Variants in CABYR observed in about 807,000 individuals in gnomAD.
The protein encoded by CABYR is calcium-binding tyrosine phosphorylation-regulated protein.
CABYR carries 31 observed loss-of-function variants against 36.1 expected under a neutral mutation model. The observed-to-expected ratio is 0.86, with a 90% CI of 0.64 to 1.16. The LOEUF (loss-of-function observed/expected upper bound fraction) is 1.16. Ranked by LOEUF, CABYR falls within the 50% of genes most tolerant of loss-of-function variation. The pLI, the probability that CABYR is intolerant of heterozygous loss-of-function variation, is 0.00. For synonymous variants in CABYR, 146 were observed against 160.7 expected, an observed-to-expected ratio of 0.91 and a Z score of 0.69; for missense variants, 429 against 455.8, an observed-to-expected ratio of 0.94 and a Z score of 0.53.
At chr18:24,157,675 T>G (rs2085827703) in intron 4 of CABYR, among the ~76,000 whole-genome samples, 1 of 152,234 alleles carries the variant, frequency 6.6e-6, no homozygotes, top group Admixed American at 6.5e-5. Flanking sequence ...TGGCTTCCTT[T>G]GATCAGCTCC....
intron 1 of CABYR, among the ~76,000 whole-genome samples, chr18:24,142,531 T>C (rs973030360): frequency 6.6e-6 from 1 of 152,102 alleles, no homozygotes. Flanking sequence ...TCTTGTTTTT[T>C]GTTCTTTGTT....
intron 3 of CABYR, among the ~76,000 whole-genome samples, chr18:24,149,049 C>T (rs777458133): frequency 7.0e-4 from 106 of 151,936 alleles, no homozygotes; most frequent in Non-Finnish European, 1.1e-3. Context: ...CTGATTGGTG[C>T]GTTTACAATC....
intron 3 of CABYR, among the ~76,000 whole-genome samples, chr18:24,143,990 C>T (rs1427580244): frequency 1.3e-5 from 2 of 151,982 alleles, no homozygotes; most frequent in Non-Finnish European, 2.9e-5. Context: ...CTCTGCCTCC[C>T]GGGTTCAAAC....
At chr18:24,143,022 CAAAAAAAAAAAA>C (rs11320479) in intron 1 of CABYR, 57 bp from the exon 2 acceptor site, 2 of 699,998 alleles carry the variant, frequency 2.9e-6, no homozygotes, top group East Asian at 8.5e-5. Context: ...GACAGAGTCT[CAAAAAAAAAAAA>C]AAAAAAAACC....
intron 5 of CABYR, 199 bp downstream of exon 5, chr18:24,160,268 A>ACAATGACT: frequency 1.8e-6 from 1 of 558,960 alleles, no homozygotes; most frequent in Non-Finnish European, 3.1e-6. Context: ...GCACTGTACC[A>ACAATGACT]CAATGACTCA....
chr18:24,147,486 A>C (rs1196719456), intron 3 of CABYR, among the ~76,000 whole-genome samples: 1 of 152,184 alleles, frequency 6.6e-6, no homozygotes, highest in East Asian at 1.9e-4. Context: ...AAGGCAAACA[A>C]ATTTTTTTAA....
In CABYR at chr18:24,155,674, T is replaced by C; in HGVS notation, c.200-27T>C. On this transcript the variant is annotated intron_variant, in intron 3 of 5. Transcript: ENST00000399496. ...CTCTAAAAATCTTTTTAGATGTTAA[T>C]TAACCCATCTGGTTGTTGTTTTTCA... is the stretch of plus-strand genomic sequence containing the variant. 2.7e-6 allele frequency: 4 copies of C among 1,488,188 alleles called. No homozygotes were observed. The South Asian group carries it at 5.3e-5, about 20-fold the overall frequency. 92.2% of individuals were successfully genotyped at this position (1,488,188 alleles called of 1,614,324 possible). A position where few individuals can be genotyped will look rare whatever the true frequency, so the allele number is the denominator to read the frequency against.
chr18:24,160,349 T>TAACA (rs45577941), intron 5 of CABYR: 37,897 of 373,600 alleles, frequency 0.1, 2,805 homozygotes, highest in Middle Eastern at 0.23. Context: ...GTCCATTGTC[T>TAACA]AACAAACACA....
intron 3 of CABYR, among the ~76,000 whole-genome samples, chr18:24,149,160 C>T (rs1568459753): frequency 6.6e-6 from 1 of 152,066 alleles, no homozygotes; most frequent in Non-Finnish European, 1.5e-5. Context: ...TAGCTAGATA[C>T]AGAGTGTCGA....
chr18:24,154,222 A>T (rs910568078), intron 3 of CABYR, among the ~76,000 whole-genome samples: 1 of 151,934 alleles, frequency 6.6e-6, no homozygotes, highest in African/African-American at 2.4e-5. Context: ...TTCTCCTATT[A>T]AATGTAAGCT....
chr18:24,157,237 C>T (rs1010358968), intron 4 of CABYR, among the ~76,000 whole-genome samples: 4 of 152,102 alleles, frequency 2.6e-5, no homozygotes, highest in Admixed American at 1.3e-4. Flanking sequence ...AGCACTTTTG[C>T]GTTATTCTTT....
rs942796498 is a variant in CABYR, at chr18:24,143,099, C to T, written c.-16C>T. The T allele has an allele frequency of 3.2e-6, 5 of 1,562,106 alleles. No homozygotes were observed. Among genetic ancestry groups the T allele is most frequent in the African/African-American group, 1.4e-5 (1 of 72,438 alleles). On this transcript the variant is annotated 5_prime_UTR_variant, in exon 2 of 6. Transcript: ENST00000399496. ...CTTTTTCTTCATTCTAGTTGAGTTA[C>T]AGACATCCTGCCAAAATGATTTCTT...
intron 4 of CABYR, chr18:24,156,335 G>A (rs2085785035): frequency 6.2e-7 from 1 of 1,614,122 alleles, no homozygotes; most frequent in Non-Finnish European, 8.5e-7. Context: ...AAGCTCCTGA[G>A]GTCACTTTGC....
Position 24,159,854 on chromosome 18 carries a change from T to A in CABYR, c.924T>A (p.His308Gln), listed in dbSNP as rs1051797382. 1 of 1,614,030 alleles carries A rather than the reference T, an allele frequency of 6.2e-7. No individual in the cohort carries two copies. The highest frequency in any genetic ancestry group is 2.2e-5 in the East Asian group (1 of 44,904). ...CTGCAGATGAGAAATACCAGAAACATACCCTAAGTCCCCAGAATGCTAATC... is the reference window on the plus strand; with the variant it reads ...CTGCAGATGAGAAATACCAGAAACAAACCCTAAGTCCCCAGAATGCTAATC... ...AVPADEKYQK[H>Q]TLSPQNANPP... Residue 308 changes from histidine (H) to glutamine (Q), a missense_variant, in exon 5 of 6, where the codon CAT (histidine) becomes CAA (glutamine). By Grantham distance (24) the His-to-Gln change is conservative. Transcript: ENST00000399496.
intron 3 of CABYR, among the ~76,000 whole-genome samples, chr18:24,149,651 G>A (rs193109985): frequency 0.013 from 1,967 of 152,324 alleles, 57 homozygotes; most frequent in African/African-American, 0.045. Context: ...TCCACGGAGT[G>A]GGTGGGAGGC....
At chr18:24,156,159 G>T (rs1221837331) in intron 4 of CABYR, 117 bp downstream of exon 4, 1 of 1,614,196 alleles carries the variant, frequency 6.2e-7, no homozygotes, top group Admixed American at 1.7e-5. Context: ...AGATGTCATG[G>T]TGGCTGCTCC....
intron 1 of CABYR, chr18:24,139,639 T>C (rs1472268603): frequency 6.6e-6 from 1 of 152,270 alleles, no homozygotes; most frequent in Admixed American, 6.5e-5. Context: ...ATAGGAGAGA[T>C]CTGGGAAGAA....
chr18:24,156,305 A>G, intron 4 of CABYR: 1 of 1,614,188 alleles, frequency 6.2e-7, no homozygotes, highest in Non-Finnish European at 8.5e-7. Context: ...AGGATGAACA[A>G]GAACCTCCTG....
intron 4 of CABYR, 147 bp from the exon 5 acceptor site, chr18:24,159,325 C>G (rs1396871765): frequency 4.7e-6 from 3 of 640,540 alleles, no homozygotes; most frequent in African/African-American, 3.7e-5. Flanking sequence ...CTGTCAAACA[C>G]GATTATGCAG....
Sources: gnomAD v4.1 joint callset for allele counts (sites outside exome capture counted in the v4.1 genomes callset) on GRCh38, gnomAD v4.1.1 for gene constraint, MANE v1.5 for transcripts, NCBI Gene and HGNC (gene_info 2026-07-23, HGNC 2026-07-21) for gene names.